Variants in CNPY1 observed in about 807,000 individuals in gnomAD.
CNPY1 encodes the protein canopy FGF signaling regulator 1, also known as protein canopy homolog 1.
In CNPY1, 14 loss-of-function variants were observed where a neutral mutation model predicts 14.4. That is an observed-to-expected ratio of 0.97 (90% CI 0.64 to 1.52). The LOEUF is 1.52. Among genes scored for constraint, CNPY1 ranks in the 40% most tolerant of loss-of-function variants. The pLI, the probability that CNPY1 is intolerant of heterozygous loss-of-function variation, is 0.00. For synonymous variants in CNPY1, 43 were observed against 46.5 expected (o/e 0.92, Z 0.31); for missense variants, 129 against 131.5 (o/e 0.98, Z 0.09).
chr7:155,515,955 G>A (rs988970957), intron 2 of CNPY1, among the ~76,000 whole-genome samples: 3 of 151,456 alleles, frequency 2.0e-5, no homozygotes, highest in Non-Finnish European at 4.4e-5. Flanking sequence ...ATCTCCTCCC[G>A]TGAGAAACAT....
intron 2 of CNPY1, among the ~76,000 whole-genome samples, chr7:155,519,475 C>T (rs866075500): frequency 5.9e-5 from 9 of 151,478 alleles, no homozygotes; most frequent in Non-Finnish European, 1.3e-4. Context: ...GGACCGACAT[C>T]GCACCATTGC....
At chr7:155,527,430 ATTTC>A (rs1796847019) in intron 2 of CNPY1, among the ~76,000 whole-genome samples, 19 of 93,422 alleles carry the variant, frequency 2.0e-4, no homozygotes, top group African/African-American at 7.4e-4. Context: ...TTGATAATTA[ATTTC>A]TTTTTTTTTT....
Position 155,502,493 on chromosome 7 carries a change from C to T in CNPY1, c.*575G>A, listed in dbSNP as rs1036964844. ...AAGCATTCATTAGTTTTTACACATT[C>T]CACTAAATTTTAGAGATGGGTTTTT... is the stretch of plus-strand genomic sequence containing the variant. On this transcript the variant is annotated 3_prime_UTR_variant, in exon 5 of 5. Transcript: ENST00000636446. The T allele has an allele frequency of 1.3e-5, 2 of 152,284 alleles. No individual in the cohort carries two copies. Among genetic ancestry groups the T allele is most frequent in the African/African-American group, 4.8e-5 (2 of 41,440 alleles). The allele number at this position is 152,284 out of a possible 1,614,324, so 9.4% of individuals were successfully genotyped here.
chr7:155,534,024 G>A (rs1367276086), intron 2 of CNPY1, among the ~76,000 whole-genome samples: 2 of 152,144 alleles, frequency 1.3e-5, no homozygotes, highest in South Asian at 2.1e-4. Context: ...AGCCCGGGGG[G>A]AAAGGTCCCC....
chr7:155,541,706 T>C (rs1797085963), intron 2 of CNPY1, among the ~76,000 whole-genome samples: 1 of 152,124 alleles, frequency 6.6e-6, no homozygotes, highest in Non-Finnish European at 1.5e-5. Flanking sequence ...TGGAGCACCC[T>C]TCCTCGAGGG....
At chr7:155,542,696 G>C (rs555341423) in intron 2 of CNPY1, among the ~76,000 whole-genome samples, 1 of 152,326 alleles carries the variant, frequency 6.6e-6, no homozygotes, top group South Asian at 2.1e-4. Flanking sequence ...GTGGGCACCT[G>C]GCCCTCCTCT....
At chr7:155,504,689 A>AACACAC (rs61377945) in intron 4 of CNPY1, among the ~76,000 whole-genome samples, 8,006 of 145,214 alleles carry the variant, frequency 0.055, 273 homozygotes, top group African/African-American at 0.095. Flanking sequence ...CATACCCCCC[A>AACACAC]ACACACACAC....
At position 155,517,159 on chromosome 7, in the gene CNPY1, A is replaced by G. The variant is rs1796636474; in HGVS notation, c.100-8062T>C. Among the ~76,000 whole-genome samples the G allele has an allele frequency of 2.0e-5, 3 of 152,296 alleles. No individual in the cohort carries two copies. The East Asian group carries it at 5.8e-4, about 29-fold the overall frequency. On this transcript the variant is annotated intron_variant, in intron 2 of 4. Transcript: ENST00000636446. ...GAATGAGACTGTATCTGGAGATAGG[A>G]TCTTTGAAGAGGGGATTAAGATCAG...
chr7:155,535,286 T>TATGG (rs1797010084), intron 2 of CNPY1, among the ~76,000 whole-genome samples: 1 of 152,202 alleles, frequency 6.6e-6, no homozygotes, highest in Non-Finnish European at 1.5e-5. Flanking sequence ...CTATGTGCCC[T>TATGG]GCCTCCAGGA....
chr7:155,541,881 G>T (rs1266136061), intron 2 of CNPY1, among the ~76,000 whole-genome samples: 3 of 152,210 alleles, frequency 2.0e-5, no homozygotes, highest in African/African-American at 7.2e-5. Flanking sequence ...CTATAGAGGG[G>T]ATGCTTTGCT....
intron 2 of CNPY1, among the ~76,000 whole-genome samples, chr7:155,539,920 GC>G (rs1295862990): frequency 2.6e-5 from 4 of 152,192 alleles, no homozygotes; most frequent in Non-Finnish European, 5.9e-5. Context: ...AATAGGACCA[GC>G]AAGTTATGGG....
At chr7:155,535,310 C>T (rs551937636) in intron 2 of CNPY1, among the ~76,000 whole-genome samples, 3 of 152,092 alleles carry the variant, frequency 2.0e-5, no homozygotes, top group Non-Finnish European at 4.4e-5. Context: ...TGAGCTGTGC[C>T]GGACCAACAG....
At chr7:155,526,224 T>A (rs1796816223) in intron 2 of CNPY1, among the ~76,000 whole-genome samples, 1 of 152,156 alleles carries the variant, frequency 6.6e-6, no homozygotes, top group South Asian at 2.1e-4. Flanking sequence ...CAACTCAGTG[T>A]GGGGGAGCAA....
intron 2 of CNPY1, among the ~76,000 whole-genome samples, chr7:155,543,025 C>T (rs76271922): frequency 0.01 from 1,573 of 152,278 alleles, 26 homozygotes; most frequent in African/African-American, 0.036. Flanking sequence ...CTTAGGAACT[C>T]GGATTCTCGG....
At chr7:155,520,355 C>A (rs1050658026) in intron 2 of CNPY1, among the ~76,000 whole-genome samples, 1 of 151,946 alleles carries the variant, frequency 6.6e-6, no homozygotes, top group African/African-American at 2.4e-5. Flanking sequence ...ACATGCGGTC[C>A]CAGGGCATTT....
chr7:155,534,950 C>T (rs572021510), intron 2 of CNPY1, among the ~76,000 whole-genome samples: 18 of 152,042 alleles, frequency 1.2e-4, no homozygotes, highest in Non-Finnish European at 2.1e-4. Flanking sequence ...AGGAGGTCGG[C>T]GGTTCTCTGG....
intron 2 of CNPY1, among the ~76,000 whole-genome samples, chr7:155,529,302 G>A (rs1279924210): frequency 6.6e-6 from 1 of 152,132 alleles, no homozygotes; most frequent in Non-Finnish European, 1.5e-5. Flanking sequence ...AACCATCCAC[G>A]TGGCTGGGTC....
intron 4 of CNPY1, among the ~76,000 whole-genome samples, chr7:155,503,761 G>A (rs531780545): frequency 7.2e-4 from 110 of 152,328 alleles, no homozygotes; most frequent in African/African-American, 2.4e-3. Context: ...AAATTCATCA[G>A]TGATGATGCT....
intron 4 of CNPY1, among the ~76,000 whole-genome samples, chr7:155,504,588 C>A (rs1796230700): frequency 6.6e-6 from 1 of 152,012 alleles, no homozygotes; most frequent in Non-Finnish European, 1.5e-5. Context: ...AAATATTTAT[C>A]TTCCTAAAAG....
Sources: allele counts gnomAD v4.1 joint callset (sites outside exome capture counted in the v4.1 genomes callset), GRCh38; gene constraint gnomAD v4.1.1; transcripts MANE v1.5; gene names NCBI Gene and HGNC (gene_info 2026-07-23, HGNC 2026-07-21).